The following UNC13C variants were observed in gnomAD, a reference collection of about 807,000 sequenced individuals.
The protein encoded by UNC13C is protein unc-13 homolog C.
In UNC13C, 174 loss-of-function variants were observed where a neutral mutation model predicts 245.4. The ratio of observed to expected loss-of-function variants is 0.71; its 90% CI spans 0.63 to 0.80. The LOEUF is 0.80. UNC13C is among the 30% of genes least tolerant of loss of function. The pLI, the probability that UNC13C is intolerant of heterozygous loss-of-function variation, is 0.00. For missense variants in UNC13C, 2,829 were observed against 2,602.9 expected, an observed-to-expected ratio of 1.09 and a Z score of -1.89; for synonymous variants, 992 against 895.1, an observed-to-expected ratio of 1.11 and a Z score of -1.93.
At chr15:54,179,402 A>C (rs916717092) in intron 4 of UNC13C, among the ~76,000 whole-genome samples, 2 of 152,228 alleles carry the variant, frequency 1.3e-5, no homozygotes, top group Admixed American at 1.3e-4. Flanking sequence ...CATGCACTAA[A>C]TGTAGGAATA....
chr15:54,233,862 C>T (rs1340475029), intron 4 of UNC13C, among the ~76,000 whole-genome samples: 1 of 152,126 alleles, frequency 6.6e-6, no homozygotes, highest in Non-Finnish European at 1.5e-5. Context: ...GGTGAATAAG[C>T]TGACCATGGG....
intron 1 of UNC13C, among the ~76,000 whole-genome samples, chr15:54,009,909 G>C (rs570723342): frequency 3.7e-4 from 56 of 152,242 alleles, no homozygotes; most frequent in African/African-American, 1.3e-3. Context: ...ATAACCATTA[G>C]TGCCTACTCC....
intron 2 of UNC13C, among the ~76,000 whole-genome samples, chr15:54,026,468 C>A (rs969393166): frequency 4.0e-4 from 61 of 152,262 alleles, no homozygotes; most frequent in African/African-American, 1.4e-3. Flanking sequence ...TTTGGGACTG[C>A]GTCAAGGGTA....
At chr15:54,197,055 A>G (rs1018503704) in intron 4 of UNC13C, among the ~76,000 whole-genome samples, 3 of 152,206 alleles carry the variant, frequency 2.0e-5, no homozygotes, top group Admixed American at 6.6e-5. Context: ...CTTAAAGTAT[A>G]ATAATAATTA....
At chr15:54,043,348 T>C (rs1896894725) in intron 2 of UNC13C, among the ~76,000 whole-genome samples, 1 of 152,232 alleles carries the variant, frequency 6.6e-6, no homozygotes. Context: ...GGAACATGTG[T>C]CACTTCATGT....
chr15:54,255,196 A>G (rs779498207), intron 8 of UNC13C, among the ~76,000 whole-genome samples: 7 of 152,154 alleles, frequency 4.6e-5, no homozygotes, highest in African/African-American at 1.2e-4. Flanking sequence ...AGTCAACTCA[A>G]TTAGACCCCT....
chr15:54,042,292 A>G (rs1022748778), intron 2 of UNC13C, among the ~76,000 whole-genome samples: 1 of 152,204 alleles, frequency 6.6e-6, no homozygotes, highest in Non-Finnish European at 1.5e-5. Context: ...GGGATTTATC[A>G]CTGATGAATT....
At chr15:54,420,419 T>G (rs1195642599) in intron 19 of UNC13C, among the ~76,000 whole-genome samples, 1 of 151,660 alleles carries the variant, frequency 6.6e-6, no homozygotes, top group Admixed American at 6.6e-5. Flanking sequence ...GAAGCTGCCA[T>G]CTTTATTATC....
At chr15:53,909,172 G>A in the UNC13C span, among the ~76,000 whole-genome samples, 12 of 146,716 alleles carry the variant, frequency 8.2e-5, 1 homozygote, top group African/African-American at 2.7e-4. Flanking sequence ...AATCGCCATC[G>A]CTACTTTTCT....
intron 2 of UNC13C, among the ~76,000 whole-genome samples, chr15:54,053,093 A>G (rs1281361282): frequency 6.6e-6 from 1 of 152,192 alleles, no homozygotes; most frequent in African/African-American, 2.4e-5. Flanking sequence ...TCTGCCATCC[A>G]TGTTCAAATA....
rs767891499 is a variant in UNC13C, at chr15:54,626,795, T to G, written c.6360-33T>G. 47 of 1,581,608 alleles carry G rather than the reference T, an allele frequency of 3.0e-5. No individual in the cohort carries two copies. The African/African-American group carries it at 3.9e-4, about 13-fold the overall frequency. ...AATGATGCCTAGTGGAAGTAAAGTT[T>G]TTGCTCAAAATTTGTATTTTTAATC... On this transcript the variant is annotated intron_variant, in intron 32 of 32. Coordinates refer to ENST00000260323, the MANE Select transcript of UNC13C (RefSeq NM_001080534.3).
chr15:53,866,708 A>G, the UNC13C span, among the ~76,000 whole-genome samples: 2 of 152,252 alleles, frequency 1.3e-5, no homozygotes, highest in Non-Finnish European at 2.9e-5. Flanking sequence ...ACTGCAAAGC[A>G]TAGATAAATT....
At chr15:53,919,608 A>G in the UNC13C span, among the ~76,000 whole-genome samples, 7 of 152,284 alleles carry the variant, frequency 4.6e-5, no homozygotes, top group East Asian at 1.3e-3. Flanking sequence ...TATTCCAAGG[A>G]GCTGACACAA....
chr15:54,554,391 C>T (rs1033072822), intron 28 of UNC13C, among the ~76,000 whole-genome samples: 1 of 151,980 alleles, frequency 6.6e-6, no homozygotes, highest in African/African-American at 2.4e-5. Context: ...AAAATTGAGC[C>T]CATGTTCCAC....
At chr15:54,071,568 G>A (rs912581968) in intron 2 of UNC13C, among the ~76,000 whole-genome samples, 4 of 152,094 alleles carry the variant, frequency 2.6e-5, no homozygotes, top group African/African-American at 9.7e-5. Context: ...CCAATCCAGT[G>A]TAGGCAAACA....
intron 2 of UNC13C, chr15:54,049,341 A>C: frequency 2.0e-6 from 1 of 510,768 alleles, no homozygotes; most frequent in Non-Finnish European, 3.9e-6. Flanking sequence ...TACTACTAAC[A>C]TCTACAAGAA....
the UNC13C span, among the ~76,000 whole-genome samples, chr15:53,842,379 G>A: frequency 6.6e-6 from 1 of 152,064 alleles, no homozygotes; most frequent in Non-Finnish European, 1.5e-5. Context: ...TTACCTTTGG[G>A]GAAATTATCT....
At chr15:54,348,602 T>C (rs559864170) in intron 17 of UNC13C, among the ~76,000 whole-genome samples, 1 of 152,270 alleles carries the variant, frequency 6.6e-6, no homozygotes, top group South Asian at 2.1e-4. Flanking sequence ...CACCGTAGAA[T>C]AGTCTAAAGG....
At chr15:54,448,138 A>G (rs1890936753) in intron 19 of UNC13C, among the ~76,000 whole-genome samples, 1 of 152,086 alleles carries the variant, frequency 6.6e-6, no homozygotes, top group South Asian at 2.1e-4. Flanking sequence ...GGTCTGAGAG[A>G]CAGTTTGTTA....
Sources: gnomAD v4.1 joint callset for allele counts (sites outside exome capture counted in the v4.1 genomes callset) on GRCh38, gnomAD v4.1.1 for gene constraint, MANE v1.5 for transcripts, NCBI Gene and HGNC (gene_info 2026-07-23, HGNC 2026-07-21) for gene names.